NCALD: variants seen among roughly 807,000 people sequenced by gnomAD.
NCALD encodes neurocalcin-delta.
A neutral mutation model predicts 18.6 loss-of-function variants in NCALD; 10 were observed. The ratio of observed to expected loss-of-function variants is 0.54; its 90% confidence interval spans 0.33 to 0.91. The LOEUF (loss-of-function observed/expected upper bound fraction) is 0.91. Ranked by LOEUF, NCALD falls within the 40% of genes least tolerant of loss-of-function variation. NCALD has a pLI of 0.03. For synonymous variants in NCALD, 88 were observed against 87.4 expected (o/e 1.01, Z -0.04); for missense variants, 184 against 247.6 (o/e 0.74, Z 1.72).
At chr8:101,825,295 G>C (rs1813888362) in intron 4 of NCALD, among the ~76,000 whole-genome samples, 1 of 152,358 alleles carries the variant, frequency 6.6e-6, no homozygotes, top group African/African-American at 2.4e-5. Context: ...TCTTGAGGAA[G>C]AGCTCATTGT....
intron 4 of NCALD, among the ~76,000 whole-genome samples, chr8:101,831,193 C>T (rs1299835002): frequency 6.6e-6 from 1 of 152,172 alleles, no homozygotes; most frequent in African/African-American, 2.4e-5. Context: ...CTCCTGTACA[C>T]CCTACATGTA....
chr8:101,955,628 A>C (rs1819595489), intron 2 of NCALD, among the ~76,000 whole-genome samples: 1 of 152,218 alleles, frequency 6.6e-6, no homozygotes, highest in Non-Finnish European at 1.5e-5. Context: ...TTCCAGTAAA[A>C]CATAAATTAG....
chr8:101,710,764 T>C (rs148171801), intron 2 of NCALD, among the ~76,000 whole-genome samples: 1 of 152,194 alleles, frequency 6.6e-6, no homozygotes, highest in Non-Finnish European at 1.5e-5. Flanking sequence ...AGCAGCCCCA[T>C]TCAGGGGCTT....
intron 4 of NCALD, among the ~76,000 whole-genome samples, chr8:101,808,122 A>G (rs948056902): frequency 3.3e-5 from 5 of 152,188 alleles, no homozygotes; most frequent in African/African-American, 1.2e-4. Flanking sequence ...TACAGCTGTT[A>G]AGAAATAACA....
At chr8:101,785,176 G>C (rs1429468785) in intron 1 of NCALD, among the ~76,000 whole-genome samples, 1 of 152,168 alleles carries the variant, frequency 6.6e-6, no homozygotes, top group Non-Finnish European at 1.5e-5. Flanking sequence ...TTAAAAAATA[G>C]TTACTTTGAA....
At chr8:101,826,472 CA>C (rs1215248989) in intron 4 of NCALD, among the ~76,000 whole-genome samples, 1 of 152,130 alleles carries the variant, frequency 6.6e-6, no homozygotes, top group African/African-American at 2.4e-5. Context: ...ACTTTGGAGT[CA>C]CATTTAACTA....
At chr8:101,744,245 A>C (rs1024070525) in intron 1 of NCALD, among the ~76,000 whole-genome samples, 1 of 152,212 alleles carries the variant, frequency 6.6e-6, no homozygotes, top group Admixed American at 6.5e-5. Context: ...AGGGAAGCAC[A>C]GTCTACCTGT....
At chr8:101,909,128 C>T (rs1266809797) in intron 3 of NCALD, among the ~76,000 whole-genome samples, 2 of 152,148 alleles carry the variant, frequency 1.3e-5, no homozygotes, top group Admixed American at 1.3e-4. Flanking sequence ...TTTCTTCAGC[C>T]TTTTACTGCC....
intron 4 of NCALD, among the ~76,000 whole-genome samples, chr8:101,804,301 TA>T (rs1812979720): frequency 2.2e-5 from 3 of 133,854 alleles, no homozygotes; most frequent in Admixed American, 1.6e-4. Flanking sequence ...CTATTATATA[TA>T]ATTATATCAA....
At chr8:101,706,794 G>A (rs1033601363) in intron 2 of NCALD, among the ~76,000 whole-genome samples, 8 of 152,214 alleles carry the variant, frequency 5.3e-5, no homozygotes, top group East Asian at 1.9e-4. Context: ...CAATAAGCAC[G>A]AGAAGCTAGG....
chr8:101,778,132 C>A (rs1811868722), intron 1 of NCALD, among the ~76,000 whole-genome samples: 1 of 152,212 alleles, frequency 6.6e-6, no homozygotes, highest in Non-Finnish European at 1.5e-5. Context: ...CTGGTCCTGG[C>A]AGTCAGGACA....
Position 101,837,083 on chromosome 8 carries a change from C to A in NCALD, c.-20+50058G>T, listed in dbSNP as rs1396562547. Among the ~76,000 whole-genome samples the A allele has an allele frequency of 3.9e-5, 6 of 152,186 alleles. No homozygotes were observed. The East Asian group carries it at 1.2e-3, about 29-fold the overall frequency. On this transcript the variant is annotated intron_variant, in intron 4 of 6. Coordinates refer to the NCALD transcript ENST00000311028. ...CCTGCTTTGCTAGGGTTACAGGATT[C>A]TTCTTCCTGCTCTCAGACCTAGGGG... is the stretch of plus-strand genomic sequence containing the variant.
intron 2 of NCALD, among the ~76,000 whole-genome samples, chr8:101,718,178 G>C (rs573005934): frequency 1.3e-5 from 2 of 152,176 alleles, no homozygotes; most frequent in African/African-American, 4.8e-5. Context: ...GCCTGTGAAT[G>C]GACTGAGGTG....
intron 3 of NCALD, among the ~76,000 whole-genome samples, chr8:101,910,409 A>G (rs1051491642): frequency 7.2e-6 from 1 of 138,880 alleles, no homozygotes; most frequent in Non-Finnish European, 1.5e-5. Context: ...GAGAGGAGGT[A>G]ATTTTGGGGA....
At chr8:102,112,526 AT>A (rs1825672508) in intron 1 of NCALD, among the ~76,000 whole-genome samples, 1 of 152,266 alleles carries the variant, frequency 6.6e-6, no homozygotes, top group Non-Finnish European at 1.5e-5. Flanking sequence ...TTGGCTATCA[AT>A]ACACATTTAG....
intron 1 of NCALD, among the ~76,000 whole-genome samples, chr8:102,051,439 G>GC (rs5893599): frequency 0.15 from 22,350 of 152,074 alleles, 1,835 homozygotes; most frequent in African/African-American, 0.21. Flanking sequence ...GCTCCCCAAA[G>GC]CAATTCTCAC....
intron 1 of NCALD, among the ~76,000 whole-genome samples, chr8:102,050,374 T>A (rs575941739): frequency 6.6e-6 from 1 of 151,324 alleles, no homozygotes; most frequent in African/African-American, 2.4e-5. Context: ...TATTTTGGAA[T>A]ATTTTAAACG....
chr8:102,013,231 T>C (rs188957966), intron 2 of NCALD, among the ~76,000 whole-genome samples: 2 of 152,306 alleles, frequency 1.3e-5, no homozygotes, highest in African/African-American at 4.8e-5. Context: ...TACCTCCCCT[T>C]TTCTCTATTT....
rs370878560 is a variant in NCALD, at chr8:101,821,881, TAAA to T, written c.-20+65257_-20+65259del. 5.0e-3 allele frequency among the ~76,000 whole-genome samples: 579 copies of T among 116,480 alleles called. 6 individuals carry two copies. Among genetic ancestry groups the T allele is most frequent in the Admixed American group, 6.3e-3 (69 of 10,868 alleles). 76.4% of individuals were successfully genotyped at this position (116,480 alleles called of 152,430 possible). ...ATCCAGGAACCTCTTGGGTTCTAAG[TAAA>T]AAAAAAAAAAAAAAAAAAAAAAATG... On this transcript the variant is annotated intron_variant, in intron 4 of 6. Coordinates refer to the NCALD transcript ENST00000311028.
Sources: gnomAD v4.1 joint callset for allele counts (sites outside exome capture counted in the v4.1 genomes callset) on GRCh38, gnomAD v4.1.1 for gene constraint, MANE v1.5 for transcripts, NCBI Gene and HGNC (gene_info 2026-07-23, HGNC 2026-07-21) for gene names.